The following GPHN variants were observed in gnomAD, a reference collection of about 807,000 sequenced individuals.
The protein encoded by GPHN is gephyrin.
GPHN carries 17 observed loss-of-function variants against 95.5 expected under a neutral mutation model. The observed-to-expected ratio is 0.18, with a 90% confidence interval of 0.12 to 0.27. The LOEUF (loss-of-function observed/expected upper bound fraction) is 0.27. Among genes scored for constraint, GPHN ranks in the 10% least tolerant of loss-of-function variants. The pLI, the probability that GPHN is intolerant of heterozygous loss-of-function variation, is 1.00. For synonymous variants in GPHN, 320 were observed against 322.5 expected, an observed-to-expected ratio of 0.99 and a Z score of 0.08; for missense variants, 660 against 978.1, an observed-to-expected ratio of 0.67 and a Z score of 4.34.
chr14:67,176,503 A>G (rs988425017), intron 21 of GPHN, among the ~76,000 whole-genome samples: 1 of 152,188 alleles, frequency 6.6e-6, no homozygotes, highest in Non-Finnish European at 1.5e-5. Context: ...GGATTTTTGC[A>G]TCAATGTTCA....
chr14:66,681,374 T>C (rs1056711511), intron 2 of GPHN, among the ~76,000 whole-genome samples, 189 bp downstream of exon 2: 1 of 152,154 alleles, frequency 6.6e-6, no homozygotes, highest in African/African-American at 2.4e-5. Context: ...AGGAATGATG[T>C]CATGATTAAT....
chr14:67,249,656 T>G, the GPHN span, among the ~76,000 whole-genome samples: 1 of 152,238 alleles, frequency 6.6e-6, no homozygotes, highest in East Asian at 1.9e-4. Context: ...TTATGCTTTT[T>G]TGATATAAAT....
At chr14:67,697,019 G>A in the GPHN span, among the ~76,000 whole-genome samples, 1 of 151,846 alleles carries the variant, frequency 6.6e-6, no homozygotes, top group Admixed American at 6.6e-5. Flanking sequence ...ATTTGTATTG[G>A]GTTTTATAAC....
At chr14:67,107,947 G>A (rs147933953) in intron 13 of GPHN, among the ~76,000 whole-genome samples, 1 of 152,286 alleles carries the variant, frequency 6.6e-6, no homozygotes, top group East Asian at 1.9e-4. Context: ...AGCTCAGCCT[G>A]GGATGCGTAG....
intron 6 of GPHN, among the ~76,000 whole-genome samples, chr14:66,916,326 G>T (rs1030793819): frequency 2.7e-4 from 41 of 152,214 alleles, no homozygotes; most frequent in Middle Eastern, 6.8e-3. Flanking sequence ...AAGTGCATAA[G>T]ACAACGTCCA....
intron 1 of GPHN, among the ~76,000 whole-genome samples, chr14:66,555,507 A>G (rs2059975013): frequency 2.6e-5 from 4 of 152,128 alleles, no homozygotes; most frequent in African/African-American, 9.7e-5. Flanking sequence ...CCCGCAACCC[A>G]CGCTGCCTTT....
chr14:67,539,329 G>A, the GPHN span, among the ~76,000 whole-genome samples: 1 of 152,202 alleles, frequency 6.6e-6, no homozygotes, highest in Non-Finnish European at 1.5e-5. Context: ...AGTCTTTTGA[G>A]ATGGGGATTG....
chr14:67,347,370 C>T, the GPHN span: 1 of 1,520,436 alleles, frequency 6.6e-7, no homozygotes. Context: ...AACAGGAAAT[C>T]CCAGAGACAC....
chr14:66,652,530 T>C (rs1375722349), intron 1 of GPHN, among the ~76,000 whole-genome samples: 3 of 151,866 alleles, frequency 2.0e-5, no homozygotes, highest in Non-Finnish European at 4.4e-5. Flanking sequence ...TGTGGGTTTT[T>C]TTTTCTGTTT....
the GPHN span, chr14:67,555,917 T>C: frequency 6.2e-7 from 1 of 1,609,426 alleles, no homozygotes; most frequent in Non-Finnish European, 8.5e-7. Context: ...GGCGGGAATA[T>C]GCAGGGGAAT....
At chr14:67,146,119 C>CA (rs2080882555) in intron 18 of GPHN, among the ~76,000 whole-genome samples, 1 of 152,162 alleles carries the variant, frequency 6.6e-6, no homozygotes, top group African/African-American at 2.4e-5. Context: ...CTGGAAACCT[C>CA]AGAGCAGCTA....
chr14:67,282,089 T>C, the GPHN span, among the ~76,000 whole-genome samples: 1 of 152,188 alleles, frequency 6.6e-6, no homozygotes, highest in Middle Eastern at 3.2e-3. Flanking sequence ...CACAGATATC[T>C]GTTATGTAAG....
At chr14:66,621,276 A>AT (rs60290048) in intron 1 of GPHN, among the ~76,000 whole-genome samples, 47,501 of 129,506 alleles carry the variant, frequency 0.37, 11,516 homozygotes, top group African/African-American at 0.68. Context: ...CACCCAGCCA[A>AT]TTTTTTTTTT....
intron 2 of GPHN, among the ~76,000 whole-genome samples, chr14:66,705,979 A>G (rs1224100800): frequency 6.6e-6 from 1 of 152,180 alleles, no homozygotes; most frequent in Non-Finnish European, 1.5e-5. Flanking sequence ...CAGGATACAA[A>G]TCAATGTGCA....
chr14:67,293,922 C>T, the GPHN span, among the ~76,000 whole-genome samples: 3 of 151,878 alleles, frequency 2.0e-5, no homozygotes, highest in African/African-American at 7.3e-5. Context: ...ATCACAATTG[C>T]TCCAATTGAA....
the GPHN span, among the ~76,000 whole-genome samples, chr14:67,523,918 T>C: frequency 1.5e-5 from 1 of 67,408 alleles, no homozygotes; most frequent in East Asian, 6.8e-4. Flanking sequence ...TAGAGGGATA[T>C]GAGGACAGGG....
the GPHN span, chr14:67,660,007 A>G: frequency 3.7e-6 from 5 of 1,348,352 alleles, no homozygotes; most frequent in Non-Finnish European, 5.1e-6. Context: ...TAATCAAACT[A>G]CTTATTTATT....
the GPHN span, among the ~76,000 whole-genome samples, chr14:67,723,328 G>C: frequency 1.3e-5 from 2 of 152,142 alleles, no homozygotes; most frequent in Middle Eastern, 3.2e-3. Flanking sequence ...TGAACTCTTG[G>C]GCTCAAGCAA....
the GPHN span, chr14:67,600,274 C>T: frequency 7.6e-7 from 1 of 1,315,542 alleles, no homozygotes; most frequent in Non-Finnish European, 1.0e-6. Flanking sequence ...GTCTCGCCCG[C>T]TCCAGACCCG....
Sources: gnomAD v4.1 joint callset for allele counts (sites outside exome capture counted in the v4.1 genomes callset) on GRCh38, gnomAD v4.1.1 for gene constraint, MANE v1.5 for transcripts, NCBI Gene and HGNC (gene_info 2026-07-23, HGNC 2026-07-21) for gene names.